IL7: variants seen among roughly 807,000 people sequenced by gnomAD.
IL7 encodes the protein interleukin 7.
Under a neutral mutation model 21.6 loss-of-function variants are expected in IL7, and 3 were observed. That is an observed-to-expected ratio of 0.14 (90% CI 0.06 to 0.36). IL7 has a LOEUF of 0.36. IL7 is among the 10% of genes least tolerant of loss of function. IL7 has a pLI of 1.00. For missense variants in IL7, 175 were observed against 200.2 expected (o/e 0.87, Z 0.76); for synonymous variants, 62 against 68.1 (o/e 0.91, Z 0.44).
At chr8:78,790,336 T>G (rs1411822754) in intron 2 of IL7, among the ~76,000 whole-genome samples, 2 of 152,124 alleles carry the variant, frequency 1.3e-5, no homozygotes, top group African/African-American at 4.8e-5. Flanking sequence ...ATAAAAAATA[T>G]TGTATAACAT....
intron 3 of IL7, among the ~76,000 whole-genome samples, chr8:78,709,020 T>A (rs1369426852): frequency 6.6e-6 from 1 of 152,184 alleles, no homozygotes; most frequent in East Asian, 1.9e-4. Context: ...GAAACACAGA[T>A]CTTTTAAATA....
chr8:78,712,085 A>C (rs1007310292), intron 3 of IL7: 40 of 1,288,956 alleles, frequency 3.1e-5, no homozygotes, highest in Non-Finnish European at 3.9e-5. Context: ...ATCAAAAGAC[A>C]TGAGTTATTA....
intron 3 of IL7, among the ~76,000 whole-genome samples, chr8:78,702,937 C>T (rs1008634509): frequency 3.3e-5 from 5 of 152,040 alleles, no homozygotes; most frequent in African/African-American, 9.7e-5. Context: ...CACTCTGTCG[C>T]CCAGGCTATA....
chr8:78,718,968 G>A (rs958908065), intron 6 of IL7: 1 of 151,606 alleles, frequency 6.6e-6, no homozygotes, highest in Non-Finnish European at 1.5e-5. Context: ...TTTAGTTTGG[G>A]CAGGAGTTAC....
intron 1 of IL7, among the ~76,000 whole-genome samples, chr8:78,804,516 G>A (rs891702495): frequency 2.6e-5 from 4 of 152,162 alleles, no homozygotes; most frequent in African/African-American, 9.7e-5. Flanking sequence ...GCTACTCGCC[G>A]AACCCGGGCC....
At chr8:78,716,367 C>T (rs187831033), downstream of IL7, among the ~76,000 whole-genome samples, 296 of 152,042 alleles carry the variant, frequency 1.9e-3, no homozygotes, top group Admixed American at 3.6e-3. Flanking sequence ...TCATGATCCA[C>T]CCACCTTGGC....
chr8:78,732,857 A>G lies in IL7; in HGVS notation c.*856T>C, dbSNP rs909070814. The G allele has an allele frequency of 6.6e-6, 1 of 152,118 alleles. No individual in the cohort carries two copies. The highest frequency in any genetic ancestry group is 2.4e-5 in the African/African-American group (1 of 41,434). 9.4% of individuals were successfully genotyped at this position (152,118 alleles called of 1,614,324 possible). On this transcript the variant is annotated 3_prime_UTR_variant, in exon 6 of 6. Coordinates refer to ENST00000263851, the MANE Select transcript of IL7 (RefSeq NM_000880.4). Reference sequence around the variant, plus strand: ...AATGCTGTATGAAAATATTTTATATACAGATATAGTGTCAAAATTAAATAC... The same window carrying G: ...AATGCTGTATGAAAATATTTTATATGCAGATATAGTGTCAAAATTAAATAC...
At position 78,805,028 on chromosome 8, in the gene IL7, A is replaced by C; in HGVS notation, c.-106T>G. On this transcript the variant is annotated 5_prime_UTR_variant, in exon 1 of 6. Coordinates refer to ENST00000263851, the MANE Select transcript of IL7 (RefSeq NM_000880.4). ...ACCCTGGTCTTCCGCGGAGTTGCCG[A>C]GTCTGTGTTGGGCAGGGTGATCTCT... 7.8e-7 allele frequency: 1 copy of C among 1,282,056 alleles called. No individual in the cohort carries two copies. The highest frequency in any genetic ancestry group is 1.1e-6 in the Non-Finnish European group (1 of 916,390). 79.4% of individuals were successfully genotyped at this position (1,282,056 alleles called of 1,614,324 possible).
At chr8:78,769,003 T>C (rs993102932) in intron 2 of IL7, among the ~76,000 whole-genome samples, 30 of 152,322 alleles carry the variant, frequency 2.0e-4, no homozygotes, top group African/African-American at 7.0e-4. Flanking sequence ...CTAAAAACTC[T>C]CAATAACTTA....
chr8:78,687,002 T>A (rs1013491497), intron 3 of IL7, among the ~76,000 whole-genome samples: 6 of 152,110 alleles, frequency 3.9e-5, no homozygotes, highest in African/African-American at 1.4e-4. Context: ...GAGATTGATA[T>A]AAAAAAAATC....
downstream of IL7, among the ~76,000 whole-genome samples, chr8:78,712,975 C>G (rs1330048008): frequency 6.6e-6 from 1 of 152,064 alleles, no homozygotes; most frequent in Non-Finnish European, 1.5e-5. Flanking sequence ...CAGCCATTTG[C>G]TATTTTTAAG....
At chr8:78,762,441 C>T in intron 2 of IL7, 1 of 1,578,640 alleles carries the variant, frequency 6.3e-7, no homozygotes, top group South Asian at 1.1e-5. Context: ...TCGTCGCCCG[C>T]CCGCCGGCCG....
chr8:78,799,697 CT>C (rs1813986886), intron 1 of IL7, among the ~76,000 whole-genome samples: 2 of 151,786 alleles, frequency 1.3e-5, no homozygotes, highest in Admixed American at 1.3e-4. Context: ...GCAAGTTAGT[CT>C]TTCTGTAACA....
chr8:78,743,995 G>A (rs1284874383), intron 2 of IL7, among the ~76,000 whole-genome samples: 1 of 152,214 alleles, frequency 6.6e-6, no homozygotes, highest in African/African-American at 2.4e-5. Flanking sequence ...CCTGTTGCCA[G>A]GTGGAACGCA....
At chr8:78,793,774 C>T (rs1462654329) in intron 2 of IL7, among the ~76,000 whole-genome samples, 1 of 152,182 alleles carries the variant, frequency 6.6e-6, no homozygotes, top group East Asian at 1.9e-4. Context: ...ATTTTATCCA[C>T]AGTAGAACTT....
At chr8:78,760,182 T>C in intron 2 of IL7, 1 of 1,531,564 alleles carries the variant, frequency 6.5e-7, no homozygotes, top group Non-Finnish European at 8.7e-7. Context: ...TGTAGGAAGC[T>C]CTGACTTACT....
chr8:78,715,094 T>A (rs1206048664), downstream of IL7: 1 of 763,668 alleles, frequency 1.3e-6, no homozygotes, highest in Non-Finnish European at 2.0e-6. Flanking sequence ...AAAATAATTA[T>A]TGGGACTTTA....
intron 3 of IL7, among the ~76,000 whole-genome samples, chr8:78,703,512 C>T (rs1481951954): frequency 6.7e-6 from 1 of 149,400 alleles, no homozygotes; most frequent in Non-Finnish European, 1.5e-5. Context: ...TAAATTGAAC[C>T]CTTTACCATT....
intron 2 of IL7, among the ~76,000 whole-genome samples, chr8:78,773,569 G>A (rs757818833): frequency 1.3e-5 from 2 of 152,072 alleles, no homozygotes; most frequent in African/African-American, 2.4e-5. Flanking sequence ...GGTGCTGGGC[G>A]TGTAAGGGGC....
Sources: gnomAD v4.1 joint callset for allele counts (sites outside exome capture counted in the v4.1 genomes callset) on GRCh38, gnomAD v4.1.1 for gene constraint, MANE v1.5 for transcripts, NCBI Gene and HGNC (gene_info 2026-07-23, HGNC 2026-07-21) for gene names.